CORIN: variants seen among roughly 807,000 people sequenced by gnomAD.
CORIN encodes atrial natriuretic peptide-converting enzyme.
A neutral mutation model predicts 125.3 loss-of-function variants in CORIN; 117 were observed. The observed-to-expected ratio is 0.93, with a 90% CI of 0.80 to 1.09. The LOEUF (loss-of-function observed/expected upper bound fraction) is 1.09, where lower values mean the gene tolerates loss of function less well. Ranked by LOEUF, CORIN falls within the 50% of genes least tolerant of loss-of-function variation. The pLI, the probability that CORIN is intolerant of heterozygous loss-of-function variation, is 0.00. For synonymous variants in CORIN, 450 were observed against 466.4 expected, an observed-to-expected ratio of 0.96 and a Z score of 0.45; for missense variants, 1,253 against 1,306.7, an observed-to-expected ratio of 0.96 and a Z score of 0.63.
intron 15 of CORIN, among the ~76,000 whole-genome samples, chr4:47,642,357 G>A (rs549723919): frequency 6.6e-6 from 1 of 152,306 alleles, no homozygotes; most frequent in Non-Finnish European, 1.5e-5. Context: ...GAGTTAACCA[G>A]GATTTGCATA....
At chr4:47,696,417 T>G (rs1332479753) in intron 5 of CORIN, among the ~76,000 whole-genome samples, 1 of 152,130 alleles carries the variant, frequency 6.6e-6, no homozygotes, top group African/African-American at 2.4e-5. Flanking sequence ...GTGTCTACTA[T>G]GTGCAAAGTA....
chr4:47,774,681 G>A (rs1205277872), intron 3 of CORIN, among the ~76,000 whole-genome samples: 5 of 152,138 alleles, frequency 3.3e-5, no homozygotes, highest in Admixed American at 2.6e-4. Flanking sequence ...TTTCTGGCTA[G>A]TATTTTCTGA....
At chr4:47,783,790 T>C (rs1178510734) in intron 3 of CORIN, among the ~76,000 whole-genome samples, 1 of 152,090 alleles carries the variant, frequency 6.6e-6, no homozygotes, top group African/African-American at 2.4e-5. Flanking sequence ...TGATAAATCA[T>C]ATATTAAAAT....
At chr4:47,631,367 G>A (rs1436708017) in intron 16 of CORIN, among the ~76,000 whole-genome samples, 1 of 152,056 alleles carries the variant, frequency 6.6e-6, no homozygotes, top group Non-Finnish European at 1.5e-5. Context: ...CCTGAGCTCC[G>A]CCTCCTGTCC....
At chr4:47,622,512 T>C (rs990669298) in intron 19 of CORIN, among the ~76,000 whole-genome samples, 9 of 151,316 alleles carry the variant, frequency 5.9e-5, no homozygotes, top group African/African-American at 2.2e-4. Flanking sequence ...CCAGCACCTG[T>C]TGTTTCCTGA....
intron 1 of CORIN, among the ~76,000 whole-genome samples, chr4:47,825,240 T>C (rs1005009511): frequency 6.6e-6 from 1 of 152,222 alleles, no homozygotes; most frequent in African/African-American, 2.4e-5. Context: ...GGATCAGCGA[T>C]GGAAAGCCAG....
chr4:47,623,861 A>C (rs772727213), intron 18 of CORIN, 38 bp downstream of exon 18: 2 of 1,607,462 alleles, frequency 1.2e-6, no homozygotes, highest in Admixed American at 1.7e-5. Context: ...CAGTTCAATT[A>C]AGTTCATATC....
intron 5 of CORIN, chr4:47,706,518 C>T (rs1204506596): frequency 2.5e-6 from 4 of 1,611,442 alleles, no homozygotes; most frequent in Non-Finnish European, 3.4e-6. Context: ...ATAAAGCGCG[C>T]CAACTGGGCT....
At chr4:47,774,384 A>G in intron 3 of CORIN, among the ~76,000 whole-genome samples, 1 of 152,062 alleles carries the variant, frequency 6.6e-6, no homozygotes, top group East Asian at 1.9e-4. Flanking sequence ...ATATTATTAA[A>G]CATGGTTTCT....
chr4:47,609,349 C>A (rs1721782348), intron 19 of CORIN, among the ~76,000 whole-genome samples: 1 of 152,142 alleles, frequency 6.6e-6, no homozygotes, highest in South Asian at 2.1e-4. Flanking sequence ...AAGCGATTCT[C>A]CTGCCTCAGC....
At chr4:47,718,985 G>GC (rs1383460672) in intron 5 of CORIN, among the ~76,000 whole-genome samples, 1 of 151,964 alleles carries the variant, frequency 6.6e-6, no homozygotes, top group Non-Finnish European at 1.5e-5. Context: ...CACTTCACAT[G>GC]CCCCCTCCAT....
intron 6 of CORIN, among the ~76,000 whole-genome samples, chr4:47,686,159 C>T (rs1452603462): frequency 6.6e-6 from 1 of 150,384 alleles, no homozygotes; most frequent in Non-Finnish European, 1.5e-5. Context: ...ATTACTGTTT[C>T]AAAAAAGCAC....
At chr4:47,633,582 G>A (rs1299019762) in intron 16 of CORIN, among the ~76,000 whole-genome samples, 2 of 151,990 alleles carry the variant, frequency 1.3e-5, no homozygotes, top group African/African-American at 2.4e-5. Context: ...TTTCCTTCTG[G>A]CTATTTTATT....
chr4:47,604,961 A>G (rs1721592018), intron 19 of CORIN, among the ~76,000 whole-genome samples: 1 of 152,208 alleles, frequency 6.6e-6, no homozygotes, highest in Admixed American at 6.5e-5. Flanking sequence ...GCCCTACACC[A>G]TATGTTCATT....
rs187448180 is a variant in CORIN at position 47,759,719 on chromosome 4, C to T, written c.617+3660G>A. On this transcript the variant is annotated intron_variant, in intron 4 of 21. Coordinates refer to ENST00000273857, the MANE Select transcript of CORIN (RefSeq NM_006587.4). Reference sequence around the variant, plus strand: ...TATTCAAAATCTTTTGTTGTCATTTCAGCAATGTTCACAGCAGCTTCACCA... The same window carrying T: ...TATTCAAAATCTTTTGTTGTCATTTTAGCAATGTTCACAGCAGCTTCACCA... Among the ~76,000 whole-genome samples, 178 of 152,312 alleles carry T rather than the reference C, an allele frequency of 1.2e-3. 1 individual carries two copies. The highest frequency in any genetic ancestry group is 4.2e-3 in the Admixed American group (65 of 15,298).
chr4:47,638,449 T>C (rs1313622796), intron 16 of CORIN, among the ~76,000 whole-genome samples: 2 of 152,196 alleles, frequency 1.3e-5, no homozygotes, highest in African/African-American at 2.4e-5. Context: ...GTAACTTCCA[T>C]AATTCCCACA....
Position 47,603,385 on chromosome 4 carries a change from A to G in CORIN, c.2812+12T>C, listed in dbSNP as rs1721523614. 1 of 1,612,590 alleles carries G rather than the reference A, an allele frequency of 6.2e-7. No homozygotes were observed. The highest frequency in any genetic ancestry group is 8.5e-7 in the Non-Finnish European group (1 of 1,179,718). ...TATAGCAGCATGAGAATGGACTAAT[A>G]CACTGGCTTACTTTTATTGCCCATG... On this transcript the variant is annotated intron_variant, in intron 20 of 21. Coordinates refer to ENST00000273857, the MANE Select transcript of CORIN (RefSeq NM_006587.4).
At chr4:47,609,653 C>CATAGG (rs1721799143) in intron 19 of CORIN, among the ~76,000 whole-genome samples, 1 of 152,084 alleles carries the variant, frequency 6.6e-6, no homozygotes, top group South Asian at 2.1e-4. Context: ...AGGTTTGTTA[C>CATAGG]ATAGGTAAAC....
chr4:47,798,146 T>A (rs376196245), intron 2 of CORIN, among the ~76,000 whole-genome samples: 7 of 152,140 alleles, frequency 4.6e-5, no homozygotes, highest in Non-Finnish European at 1.0e-4. Context: ...AGTTTAGTGG[T>A]TGGGTTGAAA....
Sources: allele counts gnomAD v4.1 joint callset (sites outside exome capture counted in the v4.1 genomes callset), GRCh38; gene constraint gnomAD v4.1.1; transcripts MANE v1.5; gene names NCBI Gene and HGNC (gene_info 2026-07-23, HGNC 2026-07-21).